The following PTPN1 variants were observed in gnomAD, a reference collection of about 807,000 sequenced individuals.
PTPN1 encodes the protein protein tyrosine phosphatase non-receptor type 1.
Under a neutral mutation model 59.9 loss-of-function variants are expected in PTPN1, and 12 were observed. The ratio of observed to expected loss-of-function variants is 0.20; its 90% CI spans 0.13 to 0.32. PTPN1 has a LOEUF of 0.32. PTPN1 is among the 10% of genes least tolerant of loss of function. The pLI is 1.00. For synonymous variants in PTPN1, 178 were observed against 203.6 expected (o/e 0.87, Z 1.07); for missense variants, 356 against 549.2 (o/e 0.65, Z 3.52).
chr20:50,530,702 T>TA lies in PTPN1; in HGVS notation c.63+20112_63+20113insA, dbSNP rs1408977035. ...ACGCCTGGCCAATTTTTTTTTTTTT[T>TA]TTCTTTTTGAGACAGAGTTTCACTC... On this transcript the variant is annotated intron_variant, in intron 1 of 9. Transcript: ENST00000371621. Among the ~76,000 whole-genome samples, 3 of 151,368 alleles carry TA rather than the reference T, an allele frequency of 2.0e-5. No homozygotes were observed. In the East Asian group the frequency reaches 5.8e-4, roughly 29 times the overall value.
At position 50,561,340 on chromosome 20, in the gene PTPN1, A is replaced by G. The variant is rs1444024157; in HGVS notation, c.64-23A>G. On this transcript the variant is annotated intron_variant, in intron 1 of 9. Transcript: ENST00000371621. ...TTCCTCAGTGTCTGACGGTCAGTTA[A>G]ATGTCTTTATTCTTTTTTGTAGGAT... 7 of 1,557,718 alleles carry G rather than the reference A, an allele frequency of 4.5e-6. No individual in the cohort carries two copies. The South Asian group carries it at 8.0e-5, about 18-fold the overall frequency.
chr20:50,522,876 C>T (rs113961166), intron 1 of PTPN1, among the ~76,000 whole-genome samples: 2,993 of 152,140 alleles, frequency 0.02, 48 homozygotes, highest in African/African-American at 0.044. Context: ...GCCTCAGCCT[C>T]CCGAGTAGCT....
At chr20:50,539,850 A>C (rs2082642048) in intron 1 of PTPN1, among the ~76,000 whole-genome samples, 1 of 151,670 alleles carries the variant, frequency 6.6e-6, no homozygotes. Flanking sequence ...CTCCCTCAAA[A>C]ATCCATGTGC....
In PTPN1 at chr20:50,525,223, C is replaced by T. The variant is rs1331304293; in HGVS notation, c.63+14633C>T. Among the ~76,000 whole-genome samples the T allele has an allele frequency of 9.2e-5, 14 of 152,166 alleles. 1 individual carries two copies. The highest frequency in any genetic ancestry group is 9.2e-4 in the Admixed American group (14 of 15,284). On this transcript the variant is annotated intron_variant, in intron 1 of 9. Transcript: ENST00000371621. ...TACAGTCACCCGCCACTACAGCCGG[C>T]TAATTTTTGTTATTTTTAATAGAGA...
intron 1 of PTPN1, among the ~76,000 whole-genome samples, chr20:50,540,108 T>G (rs2082644208): frequency 6.6e-6 from 1 of 152,014 alleles, no homozygotes; most frequent in African/African-American, 2.4e-5. Context: ...CAGGCTGGAG[T>G]GCAATGGCGT....
intron 1 of PTPN1, 142 bp from the exon 2 acceptor site, chr20:50,561,221 G>C (rs1227813037): frequency 1.6e-6 from 1 of 634,034 alleles, no homozygotes; most frequent in Admixed American, 3.3e-5. Flanking sequence ...TTCCTCCTCG[G>C]TTTTCCCCCA....
chr20:50,566,991 G>A (rs1041157414), intron 3 of PTPN1, among the ~76,000 whole-genome samples: 3 of 152,184 alleles, frequency 2.0e-5, no homozygotes, highest in Non-Finnish European at 4.4e-5. Flanking sequence ...GCTTTTCTCC[G>A]AGTCCCTTCA....
intron 5 of PTPN1, chr20:50,574,901 G>C: frequency 2.3e-6 from 1 of 442,420 alleles, no homozygotes; most frequent in South Asian, 3.2e-5. Context: ...GGAAAGGAGA[G>C]TTTCTTACCC....
chr20:50,580,887 G>T (rs189339032), intron 8 of PTPN1, among the ~76,000 whole-genome samples: 204 of 152,248 alleles, frequency 1.3e-3, no homozygotes, highest in Non-Finnish European at 1.9e-3. Context: ...ATGAGATCTG[G>T]GTGTACTGAT....
intron 1 of PTPN1, among the ~76,000 whole-genome samples, chr20:50,559,663 C>T (rs1164514690): frequency 6.6e-6 from 1 of 151,784 alleles, no homozygotes; most frequent in Non-Finnish European, 1.5e-5. Context: ...CTTTCTTGGG[C>T]AGGGGGATTT....
intron 1 of PTPN1, among the ~76,000 whole-genome samples, chr20:50,520,233 T>C (rs184382217): frequency 2.0e-5 from 3 of 152,112 alleles, no homozygotes; most frequent in African/African-American, 2.4e-5. Context: ...TAGCCGAGCG[T>C]GGTGGTACAT....
intron 1 of PTPN1, among the ~76,000 whole-genome samples, chr20:50,554,969 T>C (rs372236207): frequency 1.5e-4 from 23 of 152,332 alleles, no homozygotes; most frequent in African/African-American, 5.0e-4. Context: ...TCAATAGTTA[T>C]ATTAAATGTA....
intron 1 of PTPN1, among the ~76,000 whole-genome samples, chr20:50,526,981 G>C (rs555721313): frequency 2.2e-4 from 34 of 152,158 alleles, no homozygotes; most frequent in Non-Finnish European, 4.4e-4. Flanking sequence ...CTGGCCATCA[G>C]ATCTAAAGCT....
rs561555049 is a variant in PTPN1, at chr20:50,552,309, A to G, written c.64-9054A>G. Reference sequence around the variant, plus strand: ...AGTATGTGTGTGTTTTCCATATACCATTCTAAAGTAGAGAAAGATGAGGGA... The same window carrying G: ...AGTATGTGTGTGTTTTCCATATACCGTTCTAAAGTAGAGAAAGATGAGGGA... On this transcript the variant is annotated intron_variant, in intron 1 of 9. Coordinates refer to ENST00000371621, the MANE Select transcript of PTPN1 (RefSeq NM_002827.4). Among the ~76,000 whole-genome samples the G allele has an allele frequency of 3.4e-4, 52 of 152,328 alleles. No individual in the cohort carries two copies. In the Middle Eastern group the frequency reaches 0.01, roughly 30 times the overall value.
In PTPN1 at chr20:50,582,870, C is replaced by T. The variant is rs112404665; in HGVS notation, c.*155C>T. 1.7e-4 allele frequency: 137 copies of T among 819,120 alleles called. No homozygotes were observed. The African/African-American group carries it at 2.1e-3, about 13-fold the overall frequency. 50.7% of individuals were successfully genotyped at this position (819,120 alleles called of 1,614,324 possible). A position where few individuals can be genotyped will look rare whatever the true frequency, so the allele number is the denominator to read the frequency against. On this transcript the variant is annotated 3_prime_UTR_variant, in exon 10 of 10. Transcript: ENST00000371621. The surrounding 1 kb of genome is among the most constrained non-coding windows in gnomAD (Gnocchi z 4.2). ...TTGGTTCTGCACTAAAACCCATCTT[C>T]CCCGGATGTGTGTCTCACCCCTCAT...
chr20:50,583,686 C>T lies in PTPN1; in HGVS notation c.*971C>T, dbSNP rs1439830635. On this transcript the variant is annotated 3_prime_UTR_variant, in exon 10 of 10. Transcript: ENST00000371621. ...CGCTCAGCAATAGGGTGCAGTTTTCCAGGAATAGGCATTTGCCTAATTCCT... is the reference window on the plus strand; with the variant it reads ...CGCTCAGCAATAGGGTGCAGTTTTCTAGGAATAGGCATTTGCCTAATTCCT... 3.9e-5 allele frequency: 6 copies of T among 152,584 alleles called. No homozygotes were observed. Among genetic ancestry groups the T allele is most frequent in the African/African-American group, 1.2e-4 (5 of 41,460 alleles). 9.5% of individuals were successfully genotyped at this position (152,584 alleles called of 1,614,324 possible).
At chr20:50,546,536 T>C (rs1340800497) in intron 1 of PTPN1, among the ~76,000 whole-genome samples, 1 of 152,250 alleles carries the variant, frequency 6.6e-6, no homozygotes, top group African/African-American at 2.4e-5. Context: ...GAAAGTACTT[T>C]ATAAACTCAT....
intron 3 of PTPN1, among the ~76,000 whole-genome samples, chr20:50,567,598 T>C (rs2082785073): frequency 6.6e-6 from 1 of 152,188 alleles, no homozygotes; most frequent in Non-Finnish European, 1.5e-5. Flanking sequence ...TCATACCCTG[T>C]GTCCAGTAAA....
chr20:50,537,922 A>C (rs990217360), intron 1 of PTPN1, among the ~76,000 whole-genome samples: 6 of 152,194 alleles, frequency 3.9e-5, no homozygotes, highest in African/African-American at 7.2e-5. Context: ...TAAGCAGAGT[A>C]GAGTAAGTAG....
Sources: gnomAD v4.1 joint callset for allele counts (sites outside exome capture counted in the v4.1 genomes callset) on GRCh38, gnomAD v4.1.1 for gene constraint, Gnocchi (gnomAD v3.1) non-coding constraint, MANE v1.5 for transcripts, NCBI Gene and HGNC (gene_info 2026-07-23, HGNC 2026-07-21) for gene names.